Variants in PITPNA observed in about 807,000 individuals in gnomAD.
PITPNA encodes phosphatidylinositol transfer protein alpha isoform.
A neutral mutation model predicts 50.3 loss-of-function variants in PITPNA; 13 were observed. The ratio of observed to expected loss-of-function variants is 0.26; its 90% CI spans 0.17 to 0.41. The LOEUF (loss-of-function observed/expected upper bound fraction) is 0.41. Among genes scored for constraint, PITPNA ranks in the 10% least tolerant of loss-of-function variants. PITPNA has a pLI of 1.00. For synonymous variants in PITPNA, 120 were observed against 119.6 expected (o/e 1.00, Z -0.02); for missense variants, 207 against 333.4 (o/e 0.62, Z 2.95).
rs1028789735 is a variant in PITPNA, at chr17:1,534,020, C to T, written c.768+79G>A. 40 of 1,533,252 alleles carry T rather than the reference C, an allele frequency of 2.6e-5. No homozygotes were observed. The African/African-American group carries it at 3.4e-4, about 13-fold the overall frequency. The allele number at this position is 1,533,252 out of a possible 1,614,324, so 95.0% of individuals were successfully genotyped here. ...TCCCAGAACTACAGGATGGTGCTCT[C>T]GGTGAAGCGCCCCAGCAAAACAGTC... On this transcript the variant is annotated intron_variant, in intron 10 of 11. Transcript: ENST00000313486.
At chr17:1,552,910 G>C in intron 3 of PITPNA, 94 bp downstream of exon 3, 6 of 1,260,284 alleles carry the variant, frequency 4.8e-6, no homozygotes, top group Non-Finnish European at 6.8e-6. Context: ...ATAACAATTA[G>C]TATAATCCCA....
intron 9 of PITPNA, 73 bp downstream of exon 9, chr17:1,535,109 G>A (rs576405588): frequency 1.1e-6 from 1 of 913,058 alleles, no homozygotes; most frequent in African/African-American, 1.7e-5. Context: ...CTCACCTTAT[G>A]GATGAAGTTC....
chr17:1,523,178 G>A (rs1007281332), intron 10 of PITPNA, among the ~76,000 whole-genome samples: 6 of 152,208 alleles, frequency 3.9e-5, no homozygotes, highest in East Asian at 1.9e-4. Context: ...TACTGTAGAC[G>A]TCATCTCTCT....
chr17:1,526,020 C>G (rs1288284830), intron 10 of PITPNA, among the ~76,000 whole-genome samples: 3 of 152,336 alleles, frequency 2.0e-5, no homozygotes, highest in South Asian at 4.1e-4. Flanking sequence ...CAAACACCCC[C>G]CTCCACTATA....
intron 4 of PITPNA, among the ~76,000 whole-genome samples, chr17:1,546,467 C>T (rs1280060903): frequency 6.6e-6 from 1 of 152,162 alleles, no homozygotes; most frequent in Non-Finnish European, 1.5e-5. Flanking sequence ...TTCCCAAAGT[C>T]CACAGGATAA....
chr17:1,560,863 AT>A (rs2075764561), intron 1 of PITPNA, among the ~76,000 whole-genome samples: 1 of 152,208 alleles, frequency 6.6e-6, no homozygotes, highest in Non-Finnish European at 1.5e-5. Flanking sequence ...TGCTCTTCAG[AT>A]GAGGTGTTTA....
chr17:1,562,571 G>T lies in PITPNA; in HGVS notation c.-11C>A. 3 of 1,316,518 alleles carry T rather than the reference G, an allele frequency of 2.3e-6. No individual in the cohort carries two copies. Among genetic ancestry groups the T allele is most frequent in the African/African-American group, 1.5e-5 (1 of 65,854 alleles). The allele number at this position is 1,316,518 out of a possible 1,614,324, so 81.6% of individuals were successfully genotyped here. ...CTTGAGCAGCACCATGTCGCTTCGC[G>T]GCTCGGTGGCTGCCCGCGGCCCGCC... On this transcript the variant is annotated 5_prime_UTR_variant, in exon 1 of 12. Transcript: ENST00000313486. This position sits in a 1 kb window ranked among gnomAD's most constrained non-coding sequence, Gnocchi z 6.4.
intron 1 of PITPNA, chr17:1,559,938 TC>T (rs2075759588): frequency 9.5e-6 from 2 of 209,766 alleles, no homozygotes; most frequent in Non-Finnish European, 1.7e-5. Flanking sequence ...AGAAAAATAC[TC>T]CCAACTTGGA....
intron 10 of PITPNA, among the ~76,000 whole-genome samples, chr17:1,525,964 C>T (rs904980276): frequency 3.9e-5 from 6 of 152,214 alleles, no homozygotes; most frequent in Non-Finnish European, 8.8e-5. Flanking sequence ...CTGGGAGCTG[C>T]AATACCCTAG....
intron 9 of PITPNA, among the ~76,000 whole-genome samples, chr17:1,534,783 C>T (rs138000222): frequency 8.5e-5 from 13 of 152,326 alleles, no homozygotes; most frequent in African/African-American, 2.9e-4. Context: ...CTTCCTGTGG[C>T]CTTCTTTTGC....
At chr17:1,546,948 G>A (rs1387560979) in intron 4 of PITPNA, among the ~76,000 whole-genome samples, 1 of 152,084 alleles carries the variant, frequency 6.6e-6, no homozygotes, top group African/African-American at 2.4e-5. Flanking sequence ...TTCAGCAGAA[G>A]CCACAGTTCA....
chr17:1,529,499 C>T (rs1001880818), intron 10 of PITPNA, among the ~76,000 whole-genome samples: 5 of 150,444 alleles, frequency 3.3e-5, no homozygotes, highest in East Asian at 2.0e-4. Context: ...TCCAGCCTGG[C>T]GCCACTCCAC....
chr17:1,541,685 T>C, intron 5 of PITPNA, 45 bp from the exon 6 acceptor site: 1 of 1,267,662 alleles, frequency 7.9e-7, no homozygotes, highest in Non-Finnish European at 1.1e-6. Flanking sequence ...AGGTTCACAG[T>C]TGAGAGTAAC....
chr17:1,521,835 TG>T lies in PITPNA; in HGVS notation c.769-191del, dbSNP rs563141694. The stretch of plus-strand genomic sequence containing the variant: ...TCTGTGTCACTGGTCTCACCATCCA[TG>T]ATTTCTAGTTCTCTCGTGTCACGGT... On this transcript the variant is annotated intron_variant, in intron 10 of 11. Transcript: ENST00000313486. Among the ~76,000 whole-genome samples the T allele has an allele frequency of 3.0e-4, 46 of 151,638 alleles. 1 individual carries two copies. Among genetic ancestry groups the T allele is most frequent in the Admixed American group, 2.6e-3 (40 of 15,198 alleles).
chr17:1,548,167 C>T, intron 4 of PITPNA, 129 bp downstream of exon 4: 1 of 607,110 alleles, frequency 1.6e-6, no homozygotes, highest in Non-Finnish European at 2.9e-6. Flanking sequence ...GGACACAGCA[C>T]TGATACCCAC....
chr17:1,520,721 T>C (rs77090158), intron 11 of PITPNA, among the ~76,000 whole-genome samples, 183 bp from the exon 12 acceptor site: 15,479 of 152,036 alleles, frequency 0.1, 915 homozygotes, highest in East Asian at 0.14. Context: ...TCCGCCTCAT[T>C]CCACCCTCCA....
chr17:1,545,986 G>T (rs948892989), intron 4 of PITPNA, among the ~76,000 whole-genome samples: 1 of 148,636 alleles, frequency 6.7e-6, no homozygotes, highest in Non-Finnish European at 1.5e-5. Context: ...GGAGTGGAAT[G>T]GCACGATCTC....
intron 10 of PITPNA, 38 bp downstream of exon 10, chr17:1,534,061 T>C (rs2075600553): frequency 6.2e-7 from 1 of 1,612,200 alleles, no homozygotes; most frequent in Non-Finnish European, 8.5e-7. Flanking sequence ...AATCTTCGTT[T>C]GTTTATCTAA....
chr17:1,536,511 G>A (rs540792724), intron 7 of PITPNA, among the ~76,000 whole-genome samples: 115 of 151,642 alleles, frequency 7.6e-4, no homozygotes, highest in African/African-American at 1.9e-3. Context: ...GGATGGTCTC[G>A]ATCTCCTGAC....
Sources: allele counts gnomAD v4.1 joint callset (sites outside exome capture counted in the v4.1 genomes callset), GRCh38; gene constraint gnomAD v4.1.1; non-coding constraint Gnocchi (gnomAD v3.1); transcripts MANE v1.5; gene names NCBI Gene and HGNC (gene_info 2026-07-23, HGNC 2026-07-21).